Variants in SLC22A23 observed in about 807,000 individuals in gnomAD.
SLC22A23 encodes solute carrier family 22 member 23, also known as ion transporter protein.
SLC22A23 carries 26 observed loss-of-function variants against 61.0 expected under a neutral mutation model. The observed-to-expected ratio is 0.43, with a 90% CI of 0.31 to 0.59. The LOEUF is 0.59. Ranked by LOEUF, SLC22A23 falls within the 20% of genes least tolerant of loss-of-function variation. The probability of loss-of-function intolerance (pLI) is 0.11; values close to 1 mark genes in which losing one functional copy is unlikely to be tolerated. For missense variants in SLC22A23, 796 were observed against 934.7 expected, an observed-to-expected ratio of 0.85 and a Z score of 1.94; for synonymous variants, 430 against 413.9, an observed-to-expected ratio of 1.04 and a Z score of -0.47.
At chr6:3,409,159 CA>C (rs1298755200) in intron 3 of SLC22A23, among the ~76,000 whole-genome samples, 1 of 152,212 alleles carries the variant, frequency 6.6e-6, no homozygotes, top group Non-Finnish European at 1.5e-5. Flanking sequence ...GGTTCTAAGA[CA>C]AATGCAAGTA....
chr6:3,348,341 G>C (rs1764566537), intron 3 of SLC22A23, among the ~76,000 whole-genome samples: 1 of 152,180 alleles, frequency 6.6e-6, no homozygotes, highest in African/African-American at 2.4e-5. Context: ...ATCTTTCCTG[G>C]AGCAGGAGCT....
At chr6:3,364,779 C>A (rs1162155680) in intron 3 of SLC22A23, among the ~76,000 whole-genome samples, 1 of 152,242 alleles carries the variant, frequency 6.6e-6, no homozygotes, top group South Asian at 2.1e-4. Flanking sequence ...CCATCCGGGA[C>A]GTGCAGGTTA....
chr6:3,446,889 C>T (rs999776083), intron 1 of SLC22A23, among the ~76,000 whole-genome samples: 2 of 152,186 alleles, frequency 1.3e-5, no homozygotes, highest in African/African-American at 2.4e-5. Context: ...AGGGCATCTC[C>T]CTGGTATCTC....
chr6:3,456,660 C>A lies in SLC22A23; in HGVS notation c.-101G>T, dbSNP rs1188791578. The A allele has an allele frequency of 1.3e-6, 1 of 783,056 alleles. No homozygotes were observed. Among genetic ancestry groups the A allele is most frequent in the Non-Finnish European group, 1.5e-6 (1 of 647,808 alleles). The allele number at this position is 783,056 out of a possible 1,614,324, so 48.5% of individuals were successfully genotyped here. On this transcript the variant is annotated 5_prime_UTR_variant, in exon 1 of 10. Transcript: ENST00000406686. The surrounding 1 kb of genome is among the most constrained non-coding windows in gnomAD (Gnocchi z 7.1). ...CGGGCCAGGCGCCTGCAGCCGCTGC[C>A]GCCGAGGAGGGCCCGCGGCTCGAGA...
chr6:3,277,480 G>A (rs558384723), intron 9 of SLC22A23, among the ~76,000 whole-genome samples: 10 of 152,260 alleles, frequency 6.6e-5, no homozygotes, highest in South Asian at 2.1e-4. Context: ...CACTATGTGC[G>A]GGCTCCAGGC....
intron 3 of SLC22A23, among the ~76,000 whole-genome samples, chr6:3,392,489 TAAGTG>T (rs995956352): frequency 1.3e-5 from 2 of 152,216 alleles, no homozygotes; most frequent in Non-Finnish European, 2.9e-5. Flanking sequence ...ACCCTAGTTG[TAAGTG>T]AAGAATGAGC....
rs1173264626 is a variant in SLC22A23 at position 3,290,153 on chromosome 6, GA to G, written c.1211-288del. ...CAAACCCTTGTTTTGGAACCAGTCAGAGTGCACACAAACGGTCTCGACTCAG... is the reference window on the plus strand; with the variant it reads ...CAAACCCTTGTTTTGGAACCAGTCAGGTGCACACAAACGGTCTCGACTCAG... On this transcript the variant is annotated intron_variant, in intron 5 of 9. Coordinates refer to ENST00000406686, the MANE Select transcript of SLC22A23 (RefSeq NM_015482.2). The G allele has an allele frequency of 7.2e-4, 353 of 489,984 alleles. 1 individual carries two copies. The highest frequency in any genetic ancestry group is 1.5e-4 in the Non-Finnish European group (41 of 268,008). 30.4% of individuals were successfully genotyped at this position (489,984 alleles called of 1,614,324 possible). A position where few individuals can be genotyped will look rare whatever the true frequency, so the allele number is the denominator to read the frequency against.
rs958011140 is a variant in SLC22A23, at chr6:3,327,713, G to A, written c.914-3711C>T. 5.3e-5 allele frequency among the ~76,000 whole-genome samples: 8 copies of A among 152,114 alleles called. No individual in the cohort carries two copies. The highest frequency in any genetic ancestry group is 5.9e-5 in the Non-Finnish European group (4 of 68,030). On this transcript the variant is annotated intron_variant, in intron 3 of 9. Transcript: ENST00000406686. The surrounding 1 kb of genome is among the most constrained non-coding windows in gnomAD (Gnocchi z 4.1). ...CATAGGTGCTATGTGTTACAATCTC[G>A]TGCATTATTTTTCCAGATTTTGGAA...
intron 5 of SLC22A23, among the ~76,000 whole-genome samples, chr6:3,293,942 G>A (rs910093582): frequency 1.3e-5 from 2 of 152,184 alleles, no homozygotes; most frequent in African/African-American, 2.4e-5. Context: ...ATGCTGGGCA[G>A]GTTGGCTTCT....
chr6:3,434,288 G>A (rs557376748), intron 1 of SLC22A23, among the ~76,000 whole-genome samples: 211 of 152,114 alleles, frequency 1.4e-3, no homozygotes, highest in African/African-American at 4.7e-3. Context: ...ACTCCACCCT[G>A]GGCGACAGAG....
In SLC22A23 at chr6:3,342,672, G is replaced by T. The variant is rs1764214184; in HGVS notation, c.914-18670C>A. On this transcript the variant is annotated intron_variant, in intron 3 of 9. Transcript: ENST00000406686. The surrounding 1 kb of genome is among the most constrained non-coding windows in gnomAD (Gnocchi z 4.0). The stretch of plus-strand genomic sequence containing the variant: ...TTTGCCGTCAAATGTCAGCAAAATT[G>T]CTGGGATTTCTCATCTGCCTGAAAC... Among the ~76,000 whole-genome samples the T allele has an allele frequency of 6.6e-6, 1 of 152,166 alleles. No homozygotes were observed. Among genetic ancestry groups the T allele is most frequent in the South Asian group, 2.1e-4 (1 of 4,834 alleles).
chr6:3,407,253 C>A (rs909041680), intron 3 of SLC22A23, among the ~76,000 whole-genome samples: 1 of 152,150 alleles, frequency 6.6e-6, no homozygotes, highest in African/African-American at 2.4e-5. Context: ...TCAAGTAAAA[C>A]AAATTTCCAA....
At chr6:3,370,925 C>T (rs1426958073) in intron 3 of SLC22A23, among the ~76,000 whole-genome samples, 1 of 152,192 alleles carries the variant, frequency 6.6e-6, no homozygotes, top group Non-Finnish European at 1.5e-5. Flanking sequence ...TTTAGAATCA[C>T]TTTATTTTAC....
In SLC22A23 at chr6:3,324,426, C is replaced by A. The variant is rs973395994; in HGVS notation, c.914-424G>T. ...CATGATGCTGTATTAGGGGCCATCTCGACCTCTAGACAGGACACCAGGCAT... is the reference window on the plus strand; with the variant it reads ...CATGATGCTGTATTAGGGGCCATCTAGACCTCTAGACAGGACACCAGGCAT... On this transcript the variant is annotated intron_variant, in intron 3 of 9. Transcript: ENST00000406686. This position sits in a 1 kb window ranked among gnomAD's most constrained non-coding sequence, Gnocchi z 4.3. Among the ~76,000 whole-genome samples, 2 of 152,112 alleles carry A rather than the reference C, an allele frequency of 1.3e-5. No individual in the cohort carries two copies. Among genetic ancestry groups the A allele is most frequent in the African/African-American group, 2.4e-5 (1 of 41,398 alleles).
chr6:3,323,896 C>T lies in SLC22A23; in HGVS notation c.1020G>A (p.Arg340=). The T allele has an allele frequency of 6.2e-7, 1 of 1,614,170 alleles. No individual in the cohort carries two copies. Among genetic ancestry groups the T allele is most frequent in the Non-Finnish European group, 8.5e-7 (1 of 1,180,024 alleles). Residue 340 remains arginine (R), a synonymous_variant, in exon 4 of 10, where the codon CGG becomes CGA. Coordinates refer to ENST00000406686, the MANE Select transcript of SLC22A23 (RefSeq NM_015482.2). The part of the protein sequence containing the change: ...FLMPGLAALC[R]DWQVLQALII... ...TGAGGGCCTGCAGCACCTGCCAATC[C>T]CGGCACAGGGCGGCTAGCCCAGGCA...
At chr6:3,393,018 A>C (rs1767767724) in intron 3 of SLC22A23, among the ~76,000 whole-genome samples, 1 of 152,148 alleles carries the variant, frequency 6.6e-6, no homozygotes, top group Non-Finnish European at 1.5e-5. Flanking sequence ...GGGAGGGCAA[A>C]GGAAGGGAAA....
At chr6:3,420,713 TATACACCAA>T (rs1352773976) in intron 1 of SLC22A23, among the ~76,000 whole-genome samples, 1 of 152,194 alleles carries the variant, frequency 6.6e-6, no homozygotes, top group African/African-American at 2.4e-5. Flanking sequence ...TACATATCAA[TATACACCAA>T]TACTGCAACC....
At chr6:3,398,611 G>A (rs1416816573) in intron 3 of SLC22A23, among the ~76,000 whole-genome samples, 1 of 151,906 alleles carries the variant, frequency 6.6e-6, no homozygotes, top group Non-Finnish European at 1.5e-5. Context: ...TCTGTCACCT[G>A]GGAACACTGC....
At chr6:3,294,912 G>A (rs1262317627) in intron 5 of SLC22A23, among the ~76,000 whole-genome samples, 5 of 152,228 alleles carry the variant, frequency 3.3e-5, no homozygotes, top group Non-Finnish European at 5.9e-5. Flanking sequence ...AGGATGTACT[G>A]ATGGGGCAGT....
Sources: gnomAD v4.1 joint callset for allele counts (sites outside exome capture counted in the v4.1 genomes callset) on GRCh38, gnomAD v4.1.1 for gene constraint, Gnocchi (gnomAD v3.1) non-coding constraint, MANE v1.5 for transcripts, NCBI Gene and HGNC (gene_info 2026-07-23, HGNC 2026-07-21) for gene names.